Variants in SLC41A2 observed in about 807,000 individuals in gnomAD.
The protein encoded by SLC41A2 is solute carrier family 41 member 2, also known as SLC41A1-like 1.
A neutral mutation model predicts 58.3 loss-of-function variants in SLC41A2; 32 were observed. The ratio of observed to expected loss-of-function variants is 0.55; its 90% confidence interval spans 0.41 to 0.74. The LOEUF is 0.74. Ranked by LOEUF, SLC41A2 falls within the 30% of genes least tolerant of loss-of-function variation. SLC41A2 has a pLI of 0.00. For missense variants in SLC41A2, 514 were observed against 680.6 expected (o/e 0.76, Z 2.72); for synonymous variants, 190 against 235.0 (o/e 0.81, Z 1.75).
chr12:104,809,893 T>A (rs564668338), intron 10 of SLC41A2, among the ~76,000 whole-genome samples: 57 of 152,244 alleles, frequency 3.7e-4, no homozygotes, highest in Non-Finnish European at 6.3e-4. Flanking sequence ...CCAGGCCACA[T>A]CTAGGCTCTG....
chr12:104,852,958 G>A (rs1040904006), intron 8 of SLC41A2, among the ~76,000 whole-genome samples: 13 of 151,982 alleles, frequency 8.6e-5, no homozygotes, highest in African/African-American at 3.1e-4. Flanking sequence ...CACTATTAAA[G>A]CCAGTGGAGA....
At chr12:104,846,337 T>C (rs530065302) in intron 8 of SLC41A2, among the ~76,000 whole-genome samples, 1 of 152,180 alleles carries the variant, frequency 6.6e-6, no homozygotes, top group Non-Finnish European at 1.5e-5. Flanking sequence ...GCTAGAAACT[T>C]TTCTTCTCAG....
chr12:104,894,937 A>G (rs2045207524), intron 4 of SLC41A2, among the ~76,000 whole-genome samples: 1 of 152,236 alleles, frequency 6.6e-6, no homozygotes, highest in Non-Finnish European at 1.5e-5. Flanking sequence ...AAAGTAAAAA[A>G]TAGCACTTAA....
chr12:104,901,618 C>T (rs2045566306), intron 3 of SLC41A2, among the ~76,000 whole-genome samples: 1 of 152,024 alleles, frequency 6.6e-6, no homozygotes, highest in Non-Finnish European at 1.5e-5. Context: ...GGCCCCATCT[C>T]AGTTCACTGC....
chr12:104,911,814 A>C (rs1211683397), intron 2 of SLC41A2, among the ~76,000 whole-genome samples: 1 of 74,244 alleles, frequency 1.3e-5, no homozygotes, highest in Non-Finnish European at 2.6e-5. Context: ...CTAAGAAAGC[A>C]CTGGGTGGGG....
Position 104,866,579 on chromosome 12 carries a change from T to C in SLC41A2, c.1028A>G (p.Glu343Gly). ...WISQGLYSCLETYYYISPLVG... is the reference protein window; with the variant it reads ...WISQGLYSCLGTYYYISPLVG... ...TAATGGAGAAATGTAGTAATAGGTC[T>C]CTAAAATTAAAAAAAAAAAAAAAAA... is the stretch of plus-strand genomic sequence containing the variant. Residue 343 changes from glutamate (E) to glycine (G), a missense_variant and splice_region_variant, in exon 7 of 11, where the codon GAG becomes GGG. By Grantham distance (98) the Glu-to-Gly change is moderately conservative (BLOSUM62 -2). Coordinates refer to ENST00000258538, the MANE Select transcript of SLC41A2 (RefSeq NM_001352171.3). The C allele has an allele frequency of 6.8e-7, 1 of 1,479,234 alleles. No individual in the cohort carries two copies. Among genetic ancestry groups the C allele is most frequent in the Non-Finnish European group, 8.9e-7 (1 of 1,122,944 alleles). 91.6% of individuals were successfully genotyped at this position (1,479,234 alleles called of 1,614,324 possible). A position where few individuals can be genotyped will look rare whatever the true frequency, so the allele number is the denominator to read the frequency against.
intron 1 of SLC41A2, among the ~76,000 whole-genome samples, chr12:104,954,311 T>G (rs1354016373): frequency 6.6e-6 from 1 of 152,244 alleles, no homozygotes; most frequent in East Asian, 1.9e-4. Context: ...TAAATATTTC[T>G]GTATTTGTTA....
chr12:104,815,061 G>GTTTTCTTCCCGTGCAATTTATTTTT (rs2041332791), intron 10 of SLC41A2, among the ~76,000 whole-genome samples: 2 of 152,284 alleles, frequency 1.3e-5, no homozygotes, highest in East Asian at 3.9e-4. Flanking sequence ...TATGAATAAA[G>GTTTTCTTCCCGTGCAATTTATTTTT]TTTTCTTCCC....
intron 5 of SLC41A2, among the ~76,000 whole-genome samples, 154 bp from the exon 6 acceptor site, chr12:104,886,593 G>A (rs370073183): frequency 1.4e-4 from 21 of 151,966 alleles, no homozygotes; most frequent in East Asian, 1.3e-3. Context: ...TTACTCTAAC[G>A]CTTTGGCAAA....
chr12:104,841,646 A>G (rs1022918523), intron 10 of SLC41A2, among the ~76,000 whole-genome samples: 3 of 152,160 alleles, frequency 2.0e-5, no homozygotes, highest in Non-Finnish European at 4.4e-5. Flanking sequence ...TATTCAAGAA[A>G]GGCTTCCAGG....
intron 6 of SLC41A2, among the ~76,000 whole-genome samples, chr12:104,879,353 C>T (rs184158762): frequency 0.076 from 11,524 of 152,236 alleles, 594 homozygotes; most frequent in Non-Finnish European, 0.11. Flanking sequence ...GTTGCCATTG[C>T]TTTTGGTGTT....
intron 4 of SLC41A2, among the ~76,000 whole-genome samples, chr12:104,890,469 C>T (rs1407497990): frequency 6.6e-6 from 1 of 152,164 alleles, no homozygotes; most frequent in African/African-American, 2.4e-5. Flanking sequence ...TCCTGTCTGG[C>T]TTGACATTGG....
At chr12:104,842,425 C>T (rs2042446598) in intron 10 of SLC41A2, among the ~76,000 whole-genome samples, 1 of 152,080 alleles carries the variant, frequency 6.6e-6, no homozygotes, top group Non-Finnish European at 1.5e-5. Context: ...ATAAAAGACA[C>T]ATAAGAAAAT....
chr12:104,921,102 A>G (rs562674227), intron 2 of SLC41A2, among the ~76,000 whole-genome samples: 3 of 151,962 alleles, frequency 2.0e-5, no homozygotes, highest in African/African-American at 4.8e-5. Flanking sequence ...ACAAGAAGGA[A>G]AAAAAGGATC....
chr12:104,897,770 T>C (rs1255693538), intron 3 of SLC41A2, among the ~76,000 whole-genome samples: 1 of 152,212 alleles, frequency 6.6e-6, no homozygotes, highest in Non-Finnish European at 1.5e-5. Flanking sequence ...AAAATATGTA[T>C]AGTATAGGCT....
intron 1 of SLC41A2, among the ~76,000 whole-genome samples, chr12:104,940,916 C>T (rs1264079545): frequency 8.1e-6 from 1 of 122,838 alleles, no homozygotes; most frequent in Non-Finnish European, 1.6e-5. Context: ...CTCCGAGTGA[C>T]AGAGCAAGAC....
chr12:104,872,141 A>G (rs957969345), intron 6 of SLC41A2, among the ~76,000 whole-genome samples: 18 of 152,142 alleles, frequency 1.2e-4, no homozygotes, highest in Middle Eastern at 3.2e-3. Flanking sequence ...AGATCAGTAA[A>G]CAGCTGAGTT....
intron 3 of SLC41A2, among the ~76,000 whole-genome samples, chr12:104,904,924 A>T (rs1011680939): frequency 6.6e-6 from 1 of 152,158 alleles, no homozygotes; most frequent in Admixed American, 6.5e-5. Flanking sequence ...ACACTGTGGA[A>T]GGGGACCCAA....
chr12:104,832,187 A>G (rs2042061248), intron 10 of SLC41A2, among the ~76,000 whole-genome samples: 1 of 152,236 alleles, frequency 6.6e-6, no homozygotes, highest in Non-Finnish European at 1.5e-5. Context: ...CAAAGCAGAC[A>G]GATTCCACCC....
Sources: gnomAD v4.1 joint callset for allele counts (sites outside exome capture counted in the v4.1 genomes callset) on GRCh38, gnomAD v4.1.1 for gene constraint, MANE v1.5 for transcripts, NCBI Gene and HGNC (gene_info 2026-07-23, HGNC 2026-07-21) for gene names.